Variants in CNBD1 observed in about 807,000 individuals in gnomAD.
The protein encoded by CNBD1 is cyclic nucleotide-binding domain-containing protein 1.
CNBD1 carries 71 observed loss-of-function variants against 54.4 expected under a neutral mutation model. That is an observed-to-expected ratio of 1.30 (90% confidence interval 1.08 to 1.59). The LOEUF is 1.59. CNBD1 is among the 40% of genes most tolerant of loss of function. The pLI, the probability that CNBD1 is intolerant of heterozygous loss-of-function variation, is 0.00. For missense variants in CNBD1, 659 were observed against 518.0 expected, an observed-to-expected ratio of 1.27 and a Z score of -2.64; for synonymous variants, 182 against 170.7, an observed-to-expected ratio of 1.07 and a Z score of -0.51.
chr8:86,942,242 CT>C (rs1338873774), intron 4 of CNBD1, among the ~76,000 whole-genome samples: 2 of 152,036 alleles, frequency 1.3e-5, no homozygotes, highest in African/African-American at 4.8e-5. Flanking sequence ...TAGCACATGC[CT>C]TTTCTCTCCT....
At chr8:87,168,047 G>A (rs1813002031) in intron 4 of CNBD1, among the ~76,000 whole-genome samples, 1 of 151,846 alleles carries the variant, frequency 6.6e-6, no homozygotes, top group African/African-American at 2.4e-5. Flanking sequence ...AGTAAAATAT[G>A]GTATTATAAA....
At chr8:87,295,496 C>G (rs954564337) in intron 8 of CNBD1, among the ~76,000 whole-genome samples, 5 of 151,860 alleles carry the variant, frequency 3.3e-5, no homozygotes, top group Non-Finnish European at 4.4e-5. Context: ...TCAAATCCCT[C>G]AGAAGTAGAT....
At chr8:87,054,544 C>G (rs1164549655) in intron 4 of CNBD1, among the ~76,000 whole-genome samples, 1 of 152,172 alleles carries the variant, frequency 6.6e-6, no homozygotes. Context: ...CTGACTTTAC[C>G]CAACAGGATT....
intron 4 of CNBD1, among the ~76,000 whole-genome samples, chr8:87,006,951 C>T (rs948895816): frequency 3.3e-5 from 5 of 152,242 alleles, no homozygotes; most frequent in Non-Finnish European, 2.9e-5. Context: ...AATCCCAGGA[C>T]TTTGGGAGGC....
intron 4 of CNBD1, among the ~76,000 whole-genome samples, chr8:87,039,785 T>A (rs920948325): frequency 1.3e-5 from 2 of 152,188 alleles, no homozygotes; most frequent in Non-Finnish European, 2.9e-5. Context: ...GAGTGCTGAC[T>A]GGTTGGGTTG....
At chr8:86,988,088 A>G (rs934992611) in intron 4 of CNBD1, among the ~76,000 whole-genome samples, 2 of 149,740 alleles carry the variant, frequency 1.3e-5, no homozygotes, top group African/African-American at 2.4e-5. Context: ...TTCTTTGTAC[A>G]TATGGTAGAA....
At chr8:87,032,230 G>A (rs561231355) in intron 4 of CNBD1, among the ~76,000 whole-genome samples, 12 of 152,074 alleles carry the variant, frequency 7.9e-5, no homozygotes, top group African/African-American at 2.4e-4. Context: ...TGAACAATGT[G>A]GGGGGTAGGG....
intron 5 of CNBD1, among the ~76,000 whole-genome samples, chr8:87,228,216 C>A (rs939916565): frequency 4.7e-5 from 7 of 150,324 alleles, no homozygotes; most frequent in Non-Finnish European, 7.4e-5. Flanking sequence ...GTAATTTGAT[C>A]GTCTGAAGCC....
chr8:86,935,017 GTTTA>G (rs199778224), intron 3 of CNBD1, among the ~76,000 whole-genome samples: 3,225 of 65,862 alleles, frequency 0.049, 48 homozygotes, highest in South Asian at 0.19. Flanking sequence ...TTGTTTGTTT[GTTTA>G]TTTATTTATT....
intron 4 of CNBD1, among the ~76,000 whole-genome samples, chr8:87,015,746 G>A (rs1301697192): frequency 4.0e-5 from 6 of 151,848 alleles, no homozygotes; most frequent in East Asian, 1.9e-4. Context: ...TTGGGAGGCC[G>A]AGGCGGGTGG....
At chr8:87,044,340 T>G (rs903487289) in intron 4 of CNBD1, among the ~76,000 whole-genome samples, 1 of 152,196 alleles carries the variant, frequency 6.6e-6, no homozygotes, top group African/African-American at 2.4e-5. Flanking sequence ...ATGGTTGTTT[T>G]TTCCTTCCCT....
intron 4 of CNBD1, among the ~76,000 whole-genome samples, chr8:87,092,441 GTATATATATACACATA>G (rs1811228680): frequency 6.9e-6 from 1 of 144,100 alleles, no homozygotes; most frequent in African/African-American, 2.6e-5. Flanking sequence ...ATGTGTGTGT[GTATATATATACACATA>G]TGTGTGTGTG....
At chr8:87,424,354 T>G (rs1808004694) in intron 2 of CNBD1, among the ~76,000 whole-genome samples, 1 of 152,162 alleles carries the variant, frequency 6.6e-6, no homozygotes, top group Non-Finnish European at 1.5e-5. Flanking sequence ...TCTAGTTCTT[T>G]TAATTGTGAT....
chr8:87,428,056 A>G (rs1006988160), intron 2 of CNBD1, among the ~76,000 whole-genome samples: 2 of 151,840 alleles, frequency 1.3e-5, no homozygotes, highest in African/African-American at 4.8e-5. Context: ...ACATGCCCAT[A>G]CTTAAATAAG....
At chr8:86,872,780 T>G (rs1808459560) in intron 1 of CNBD1, among the ~76,000 whole-genome samples, 1 of 152,238 alleles carries the variant, frequency 6.6e-6, no homozygotes, top group African/African-American at 2.4e-5. Context: ...TGTGTTTGCT[T>G]GTTACTGAAT....
chr8:87,275,525 CT>C (rs977407346), intron 6 of CNBD1, among the ~76,000 whole-genome samples: 2 of 132,572 alleles, frequency 1.5e-5, no homozygotes, highest in African/African-American at 5.1e-5. Context: ...TTCAACAACA[CT>C]TCATGCTAAA....
At chr8:87,410,861 C>G (rs1807729283) in intron 2 of CNBD1, among the ~76,000 whole-genome samples, 1 of 152,118 alleles carries the variant, frequency 6.6e-6, no homozygotes. Flanking sequence ...TGCAGCTGTT[C>G]ACATCAAGGA....
At chr8:86,885,707 C>T (rs1229851804) in intron 1 of CNBD1, among the ~76,000 whole-genome samples, 1 of 152,122 alleles carries the variant, frequency 6.6e-6, no homozygotes, top group Non-Finnish European at 1.5e-5. Context: ...ACACCCTCCA[C>T]GGAAAGAGCC....
At chr8:87,172,288 C>CAT (rs1331580904) in intron 4 of CNBD1, among the ~76,000 whole-genome samples, 1 of 152,048 alleles carries the variant, frequency 6.6e-6, no homozygotes, top group Non-Finnish European at 1.5e-5. Flanking sequence ...TTGTGACCTA[C>CAT]ATATGGTCAC....
Sources: allele counts gnomAD v4.1 joint callset (sites outside exome capture counted in the v4.1 genomes callset), GRCh38; gene constraint gnomAD v4.1.1; transcripts MANE v1.5; gene names NCBI Gene and HGNC (gene_info 2026-07-23, HGNC 2026-07-21).